Variants in WDPCP observed in about 807,000 individuals in gnomAD.
The protein encoded by WDPCP is WD repeat-containing and planar cell polarity effector protein fritz homolog.
In WDPCP, 71 loss-of-function variants were observed where a neutral mutation model predicts 93.1. The ratio of observed to expected loss-of-function variants is 0.76; its 90% CI spans 0.63 to 0.93. The LOEUF (loss-of-function observed/expected upper bound fraction) is 0.93, where lower values mean the gene tolerates loss of function less well. WDPCP is among the 40% of genes least tolerant of loss of function. The pLI is 0.00. For missense variants in WDPCP, 844 were observed against 887.4 expected (o/e 0.95, Z 0.62); for synonymous variants, 315 against 315.0 (o/e 1.00, Z 0.00).
intron 12 of WDPCP, among the ~76,000 whole-genome samples, chr2:63,328,518 G>A (rs1447251856): frequency 6.6e-6 from 1 of 152,020 alleles, no homozygotes; most frequent in Non-Finnish European, 1.5e-5. Context: ...TCACTGTGAA[G>A]GTCTGTGGCT....
At chr2:63,377,984 C>G (rs187350531) in intron 12 of WDPCP, 38 of 175,704 alleles carry the variant, frequency 2.2e-4, no homozygotes, top group Non-Finnish European at 3.3e-4. Flanking sequence ...AGACAATGGA[C>G]AAGTTTTTCT....
At chr2:63,297,143 C>T (rs551628443) in intron 13 of WDPCP, among the ~76,000 whole-genome samples, 4 of 152,264 alleles carry the variant, frequency 2.6e-5, no homozygotes, top group South Asian at 2.1e-4. Flanking sequence ...GAGGAACTTA[C>T]ATAAAAGGAT....
intron 9 of WDPCP, among the ~76,000 whole-genome samples, chr2:63,405,761 A>G (rs1366478565): frequency 6.6e-6 from 1 of 152,158 alleles, no homozygotes; most frequent in Non-Finnish European, 1.5e-5. Flanking sequence ...CAGGCCATTC[A>G]CTTTATTCAT....
At chr2:63,750,807 C>A (rs1669868208) in intron 2 of WDPCP, among the ~76,000 whole-genome samples, 1 of 152,020 alleles carries the variant, frequency 6.6e-6, no homozygotes, top group African/African-American at 2.4e-5. Flanking sequence ...TTAAACCAAT[C>A]TTACATTTTT....
intron 13 of WDPCP, among the ~76,000 whole-genome samples, chr2:63,296,422 A>G (rs1684862211): frequency 6.6e-6 from 1 of 152,170 alleles, no homozygotes; most frequent in Admixed American, 6.5e-5. Flanking sequence ...ACTATTCAAC[A>G]TAATACTGGG....
intron 14 of WDPCP, among the ~76,000 whole-genome samples, chr2:63,191,192 A>G (rs1384431994): frequency 6.6e-6 from 1 of 152,196 alleles, no homozygotes; most frequent in African/African-American, 2.4e-5. Flanking sequence ...GGAGATCGAG[A>G]CCGTCCTGGA....
At chr2:63,727,081 T>C (rs1669505370) in intron 2 of WDPCP, among the ~76,000 whole-genome samples, 1 of 152,270 alleles carries the variant, frequency 6.6e-6, no homozygotes, top group East Asian at 1.9e-4. Context: ...GTAAGTACTA[T>C]GTTGAATAGG....
At chr2:63,644,307 C>G (rs1403546616) in intron 3 of WDPCP, among the ~76,000 whole-genome samples, 3 of 146,158 alleles carry the variant, frequency 2.1e-5, no homozygotes, top group African/African-American at 7.7e-5. Flanking sequence ...TGCAGTGGCG[C>G]AATCTCAGCT....
intron 15 of WDPCP, among the ~76,000 whole-genome samples, chr2:63,161,767 CT>C (rs1177379979): frequency 2.3e-3 from 326 of 140,320 alleles, no homozygotes; most frequent in African/African-American, 2.3e-3. Context: ...TCATTTTTTT[CT>C]TTTTTTTTTT....
intron 2 of WDPCP, among the ~76,000 whole-genome samples, chr2:63,775,569 T>C (rs1670291196): frequency 6.6e-6 from 1 of 152,212 alleles, no homozygotes; most frequent in Non-Finnish European, 1.5e-5. Context: ...GTATACATCA[T>C]TAAAGTATGC....
chr2:63,760,704 G>A (rs890183045), intron 2 of WDPCP, among the ~76,000 whole-genome samples: 9 of 152,122 alleles, frequency 5.9e-5, no homozygotes, highest in South Asian at 2.1e-4. Context: ...GGAAAAGGGC[G>A]AAGGTCTAGG....
chr2:63,235,043 G>A (rs1356222680), intron 14 of WDPCP, among the ~76,000 whole-genome samples: 1 of 151,950 alleles, frequency 6.6e-6, no homozygotes, highest in Non-Finnish European at 1.5e-5. Context: ...ATAATATAAA[G>A]GATAAACGAA....
intron 2 of WDPCP, among the ~76,000 whole-genome samples, chr2:63,781,069 G>A (rs1425798848): frequency 2.0e-5 from 3 of 152,190 alleles, no homozygotes; most frequent in African/African-American, 7.2e-5. Context: ...ATTGGTTTGA[G>A]AAAGGGTATT....
At chr2:63,413,814 A>C (rs1232537744) in intron 9 of WDPCP, among the ~76,000 whole-genome samples, 1 of 136,294 alleles carries the variant, frequency 7.3e-6, no homozygotes, top group African/African-American at 2.7e-5. Flanking sequence ...AACAAACAAA[A>C]ACAAAGATAA....
At chr2:63,801,227 T>TA (rs1194862489) in intron 2 of WDPCP, among the ~76,000 whole-genome samples, 1 of 152,164 alleles carries the variant, frequency 6.6e-6, no homozygotes, top group South Asian at 2.1e-4. Flanking sequence ...TGCCTCAGGT[T>TA]AAAAAATACA....
intron 1 of WDPCP, among the ~76,000 whole-genome samples, chr2:63,822,311 TACTGTTG>T (rs1293111252): frequency 6.6e-6 from 1 of 152,146 alleles, no homozygotes; most frequent in Admixed American, 6.5e-5. Context: ...CCACTCTCTG[TACTGTTG>T]ACACTGAAGT....
At chr2:63,761,934 G>A (rs748910903) in intron 2 of WDPCP, among the ~76,000 whole-genome samples, 1 of 152,074 alleles carries the variant, frequency 6.6e-6, no homozygotes, top group Non-Finnish European at 1.5e-5. Flanking sequence ...CTTTTGGGCT[G>A]GGGGTCTAGT....
At chr2:63,805,232 G>A (rs976755853) in intron 2 of WDPCP, among the ~76,000 whole-genome samples, 1 of 152,090 alleles carries the variant, frequency 6.6e-6, no homozygotes, top group Non-Finnish European at 1.5e-5. Context: ...ACTGGGTTTT[G>A]AACCCATATG....
chr2:63,627,598 G>A (rs1310470314), intron 3 of WDPCP, among the ~76,000 whole-genome samples: 2 of 152,158 alleles, frequency 1.3e-5, no homozygotes, highest in Non-Finnish European at 2.9e-5. Flanking sequence ...AGCAGATAAA[G>A]GGAAAAGAGA....
Sources: allele counts gnomAD v4.1 joint callset (sites outside exome capture counted in the v4.1 genomes callset), GRCh38; gene constraint gnomAD v4.1.1; transcripts MANE v1.5; gene names NCBI Gene and HGNC (gene_info 2026-07-23, HGNC 2026-07-21).